The following TMTC4 variants were observed in gnomAD, a reference collection of about 807,000 sequenced individuals.
The protein encoded by TMTC4 is transmembrane O-mannosyltransferase targeting cadherins 4.
A neutral mutation model predicts 86.0 loss-of-function variants in TMTC4; 65 were observed. The ratio of observed to expected loss-of-function variants is 0.76; its 90% CI spans 0.62 to 0.93. The LOEUF (loss-of-function observed/expected upper bound fraction) is 0.93. Ranked by LOEUF, TMTC4 falls within the 40% of genes least tolerant of loss-of-function variation. The pLI is 0.00. For synonymous variants in TMTC4, 379 were observed against 382.5 expected (o/e 0.99, Z 0.11); for missense variants, 866 against 948.1 (o/e 0.91, Z 1.14).
chr13:100,625,480 A>C, intron 15 of TMTC4, 55 bp downstream of exon 15: 1 of 1,603,802 alleles, frequency 6.2e-7, no homozygotes, highest in Non-Finnish European at 8.5e-7. Context: ...TTTTATTATA[A>C]ATAAGAAAAA....
chr13:100,606,468 C>G, intron 17 of TMTC4, 41 bp from the exon 18 acceptor site: 1 of 1,553,562 alleles, frequency 6.4e-7, no homozygotes, highest in Non-Finnish European at 8.8e-7. Flanking sequence ...ATTTATTGTA[C>G]ATGAAGCAAA....
intron 10 of TMTC4, among the ~76,000 whole-genome samples, 175 bp downstream of exon 10, chr13:100,636,357 G>A (rs138282553): frequency 7.9e-5 from 12 of 152,286 alleles, no homozygotes; most frequent in South Asian, 6.2e-4. Context: ...CCCCACCCGC[G>A]GAAGCCAGCC....
chr13:100,622,993 G>T (rs1879777387), intron 15 of TMTC4, among the ~76,000 whole-genome samples: 1 of 152,024 alleles, frequency 6.6e-6, no homozygotes, highest in African/African-American at 2.4e-5. Context: ...ACAAAATCAT[G>T]GCTACCCACT....
intron 3 of TMTC4, 112 bp from the exon 4 acceptor site, chr13:100,664,448 C>A: frequency 1.5e-6 from 1 of 667,254 alleles, no homozygotes; most frequent in South Asian, 2.1e-5. Context: ...GGATGCTGTG[C>A]CCAACATGTT....
intron 17 of TMTC4, among the ~76,000 whole-genome samples, chr13:100,609,908 C>T (rs569088644): frequency 3.3e-5 from 5 of 152,218 alleles, no homozygotes; most frequent in Admixed American, 6.5e-5. Context: ...CTTAGAGCCA[C>T]GCAGATATAA....
chr13:100,635,053 C>G lies in TMTC4; in HGVS notation c.1345G>C (p.Gly449Arg). Reference protein sequence around the residue: ...GYCVLLTFGFGALSKHTKKKK... With the variant: ...GYCVLLTFGFRALSKHTKKKK... ...TTCTTGGTATGTTTGCTCAGGGCTC[C>G]GAATCCAAAAGTCAGCAGCACACAG... is the stretch of plus-strand genomic sequence containing the variant. Residue 449 changes from glycine to arginine, a missense_variant, in exon 11 of 19, where the codon GGA becomes CGA. By Grantham distance (125) the Gly-to-Arg change is moderately radical (BLOSUM62 -2). Transcript: ENST00000342624. 1 of 1,612,910 alleles carries G rather than the reference C, an allele frequency of 6.2e-7. No individual in the cohort carries two copies. Among genetic ancestry groups the G allele is most frequent in the Non-Finnish European group, 8.5e-7 (1 of 1,179,570 alleles).
intron 5 of TMTC4, among the ~76,000 whole-genome samples, chr13:100,658,911 T>TA (rs1263654434): frequency 2.0e-5 from 3 of 152,232 alleles, no homozygotes; most frequent in African/African-American, 7.2e-5. Flanking sequence ...AAAAGAATGT[T>TA]AAAAAACTAC....
chr13:100,612,120 A>G (rs1203108912), intron 17 of TMTC4, among the ~76,000 whole-genome samples: 1 of 152,102 alleles, frequency 6.6e-6, no homozygotes, highest in African/African-American at 2.4e-5. Flanking sequence ...CAAACATTCC[A>G]CAACTCCCTG....
intron 5 of TMTC4, among the ~76,000 whole-genome samples, chr13:100,658,229 G>A (rs1366420051): frequency 2.0e-5 from 3 of 152,190 alleles, no homozygotes; most frequent in Non-Finnish European, 4.4e-5. Context: ...CTGACTATGA[G>A]TTCCCTGGTG....
At chr13:100,619,901 C>T (rs188528311) in intron 15 of TMTC4, among the ~76,000 whole-genome samples, 36 of 152,260 alleles carry the variant, frequency 2.4e-4, no homozygotes, top group Admixed American at 2.4e-3. Flanking sequence ...CTAGAACAAC[C>T]AACGTAACTT....
At chr13:100,673,959 GA>G (rs1237900766) in intron 1 of TMTC4, 1 of 901,006 alleles carries the variant, frequency 1.1e-6, no homozygotes, top group Non-Finnish European at 1.3e-6. Flanking sequence ...CGAAGTGTGG[GA>G]TGACTCATAG....
chr13:100,665,664 C>T (rs1487024873), intron 3 of TMTC4, among the ~76,000 whole-genome samples: 1 of 152,202 alleles, frequency 6.6e-6, no homozygotes, highest in Non-Finnish European at 1.5e-5. Flanking sequence ...CCTAAGAATG[C>T]CCCAAACAGA....
At chr13:100,655,090 C>T (rs554328356) in intron 6 of TMTC4, among the ~76,000 whole-genome samples, 50 of 145,538 alleles carry the variant, frequency 3.4e-4, no homozygotes, top group African/African-American at 1.2e-3. Context: ...GGCGCAATCT[C>T]GGCTCACTGC....
At chr13:100,655,160 T>C (rs1228746883) in intron 6 of TMTC4, among the ~76,000 whole-genome samples, 1 of 151,848 alleles carries the variant, frequency 6.6e-6, no homozygotes, top group African/African-American at 2.4e-5. Context: ...TAGCTGGGAC[T>C]ACAGGCACAC....
At chr13:100,660,658 T>TA (rs1491352750) in intron 5 of TMTC4, among the ~76,000 whole-genome samples, 4 of 40,868 alleles carry the variant, frequency 9.8e-5, no homozygotes, top group African/African-American at 5.1e-4. Context: ...TAAAGCTGGA[T>TA]TTTTTTTTTT....
At chr13:100,638,474 CA>C (rs1469462385) in intron 7 of TMTC4, 1 of 153,636 alleles carries the variant, frequency 6.5e-6, no homozygotes, top group African/African-American at 2.4e-5. Context: ...CCTTAAGTGC[CA>C]GTGCACTTTG....
Position 100,634,860 on chromosome 13 carries a change from C to T in TMTC4, c.1451G>A (p.Arg484Gln), listed in dbSNP as rs758082044. ...ACTTCTGAAAAGCTGTTCCTCACTCCGCCACTCGCCGCTGCGCAGCACACA... is the reference window on the plus strand; with the variant it reads ...ACTTCTGAAAAGCTGTTCCTCACTCTGCCACTCGCCGCTGCGCAGCACACA... ...LRCVLRSGEW[R>Q]SEEQLFRSAL... is the part of the protein sequence containing the mutation. The change falls in exon 12 of 19, where the codon CGG becomes CAG. Residue 484 changes from arginine to glutamine, a missense_variant. Coordinates refer to ENST00000342624, the MANE Select transcript of TMTC4 (RefSeq NM_032813.5). 7.6e-5 allele frequency: 122 copies of T among 1,614,098 alleles called. 2 individuals carry two copies. Among genetic ancestry groups the T allele is most frequent in the South Asian group, 6.4e-4 (58 of 91,080 alleles).
At chr13:100,646,970 T>C (rs1883836344) in intron 6 of TMTC4, among the ~76,000 whole-genome samples, 4 of 152,124 alleles carry the variant, frequency 2.6e-5, no homozygotes, top group Admixed American at 1.3e-4. Flanking sequence ...AACTAACAGA[T>C]TGATGAATTC....
chr13:100,626,853 A>C (rs1045090880), intron 12 of TMTC4, among the ~76,000 whole-genome samples: 1 of 152,174 alleles, frequency 6.6e-6, no homozygotes, highest in African/African-American at 2.4e-5. Context: ...CTCAAAATTC[A>C]GATGTTGAAA....
Sources: allele counts gnomAD v4.1 joint callset (sites outside exome capture counted in the v4.1 genomes callset), GRCh38; gene constraint gnomAD v4.1.1; transcripts MANE v1.5; gene names NCBI Gene and HGNC (gene_info 2026-07-23, HGNC 2026-07-21).